The following PPP1R9A variants were observed in gnomAD, a reference collection of about 807,000 sequenced individuals.
The protein encoded by PPP1R9A is neurabin-1.
Under a neutral mutation model 141.9 loss-of-function variants are expected in PPP1R9A, and 59 were observed. The ratio of observed to expected loss-of-function variants is 0.42; its 90% CI spans 0.34 to 0.52. The LOEUF is 0.52. Ranked by LOEUF, PPP1R9A falls within the 20% of genes least tolerant of loss-of-function variation. PPP1R9A has a pLI of 0.10. For missense variants in PPP1R9A, 1,444 were observed against 1,611.9 expected (o/e 0.90, Z 1.78); for synonymous variants, 500 against 569.7 (o/e 0.88, Z 1.74).
chr7:94,992,290 A>G (rs1801610392), intron 2 of PPP1R9A, among the ~76,000 whole-genome samples: 1 of 152,202 alleles, frequency 6.6e-6, no homozygotes, highest in Non-Finnish European at 1.5e-5. Flanking sequence ...ATAATTGTCC[A>G]TGTTGTGCAA....
At chr7:95,196,089 G>GTGTGTGTA (rs1314157648) in intron 5 of PPP1R9A, among the ~76,000 whole-genome samples, 8 of 151,896 alleles carry the variant, frequency 5.3e-5, no homozygotes, top group African/African-American at 1.9e-4. Flanking sequence ...GTGTGTGTGT[G>GTGTGTGTA]TGTATGTGTA....
chr7:95,076,092 C>T (rs900114003), intron 2 of PPP1R9A, among the ~76,000 whole-genome samples: 4 of 152,136 alleles, frequency 2.6e-5, no homozygotes, highest in South Asian at 2.1e-4. Flanking sequence ...TCATACAGAT[C>T]GGGTCTCACT....
intron 2 of PPP1R9A, among the ~76,000 whole-genome samples, chr7:94,920,909 C>T (rs1256992257): frequency 6.6e-6 from 1 of 152,142 alleles, no homozygotes; most frequent in African/African-American, 2.4e-5. Flanking sequence ...ATGGTCTTTT[C>T]TCTTTTATTC....
At chr7:95,077,594 G>A (rs1192584340) in intron 2 of PPP1R9A, among the ~76,000 whole-genome samples, 1 of 151,892 alleles carries the variant, frequency 6.6e-6, no homozygotes, top group African/African-American at 2.4e-5. Flanking sequence ...ATTGTTAGCT[G>A]CCCCCCCAAT....
At chr7:95,191,987 G>A (rs1186343402) in intron 5 of PPP1R9A, among the ~76,000 whole-genome samples, 1 of 151,990 alleles carries the variant, frequency 6.6e-6, no homozygotes, top group Non-Finnish European at 1.5e-5. Flanking sequence ...ATTTAGGACT[G>A]ATTATTGCTG....
chr7:95,227,713 CT>C, intron 8 of PPP1R9A, among the ~76,000 whole-genome samples: 1 of 151,832 alleles, frequency 6.6e-6, no homozygotes, highest in South Asian at 2.1e-4. Context: ...CTGGTGTAGA[CT>C]GCTGTGTGAT....
chr7:95,147,783 T>C (rs985519623), intron 4 of PPP1R9A, among the ~76,000 whole-genome samples: 2 of 152,204 alleles, frequency 1.3e-5, no homozygotes, highest in Non-Finnish European at 2.9e-5. Context: ...GTTCTACTTA[T>C]GTGATGGATT....
intron 2 of PPP1R9A, among the ~76,000 whole-genome samples, chr7:94,919,993 G>A (rs1413032339): frequency 6.6e-6 from 1 of 151,952 alleles, no homozygotes; most frequent in African/African-American, 2.4e-5. Context: ...AAACATATTT[G>A]TACTATACCA....
intron 2 of PPP1R9A, among the ~76,000 whole-genome samples, chr7:94,934,315 C>T (rs182423378): frequency 2.4e-4 from 37 of 152,284 alleles, no homozygotes; most frequent in Admixed American, 3.9e-4. Context: ...CAACAGCACA[C>T]CTGTAACAAT....
chr7:95,064,226 C>T (rs1454325658), intron 2 of PPP1R9A, among the ~76,000 whole-genome samples: 1 of 152,128 alleles, frequency 6.6e-6, no homozygotes, highest in Non-Finnish European at 1.5e-5. Context: ...CATTATATAA[C>T]CATGTTTCAC....
At chr7:95,284,539 G>A (rs1191991925) in intron 17 of PPP1R9A, among the ~76,000 whole-genome samples, 1 of 152,158 alleles carries the variant, frequency 6.6e-6, no homozygotes, top group Non-Finnish European at 1.5e-5. Flanking sequence ...CAGAATGATA[G>A]ATCTGTTTAC....
At chr7:95,201,672 A>G (rs2152870831) in intron 6 of PPP1R9A, among the ~76,000 whole-genome samples, 1 of 152,362 alleles carries the variant, frequency 6.6e-6, no homozygotes, top group East Asian at 1.9e-4. Flanking sequence ...TAGCTAATGG[A>G]TAAATGCTCC....
intron 12 of PPP1R9A, among the ~76,000 whole-genome samples, chr7:95,260,449 C>T (rs924651422): frequency 6.6e-6 from 1 of 152,064 alleles, no homozygotes; most frequent in Non-Finnish European, 1.5e-5. Context: ...GAGGCCAAGG[C>T]GGGTGGATCA....
intron 4 of PPP1R9A, among the ~76,000 whole-genome samples, chr7:95,154,348 T>G (rs1829233575): frequency 1.3e-5 from 2 of 152,082 alleles, no homozygotes; most frequent in Non-Finnish European, 2.9e-5. Flanking sequence ...TTGTTACTGG[T>G]TTTTAGTTAT....
intron 4 of PPP1R9A, among the ~76,000 whole-genome samples, chr7:95,159,254 T>A (rs1163913624): frequency 1.3e-5 from 2 of 152,194 alleles, no homozygotes; most frequent in African/African-American, 2.4e-5. Flanking sequence ...TGGTTAAATC[T>A]CAAATGTAAT....
At chr7:94,913,693 A>T (rs906422708) in intron 2 of PPP1R9A, among the ~76,000 whole-genome samples, 13 of 152,186 alleles carry the variant, frequency 8.5e-5, no homozygotes, top group African/African-American at 2.9e-4. Context: ...TGGTGGCCAT[A>T]GTGTTTAGGT....
intron 14 of PPP1R9A, among the ~76,000 whole-genome samples, chr7:95,273,263 C>T (rs1314382656): frequency 6.6e-6 from 1 of 152,180 alleles, no homozygotes; most frequent in African/African-American, 2.4e-5. Context: ...TGTAACCTAA[C>T]TATTAAGAAG....
intron 2 of PPP1R9A, among the ~76,000 whole-genome samples, chr7:95,006,164 A>G (rs2151568060): frequency 6.6e-6 from 1 of 151,920 alleles, no homozygotes; most frequent in South Asian, 2.1e-4. Context: ...ACCTTTCATA[A>G]GGATTAAAAT....
At chr7:94,987,002 G>A (rs910324600) in intron 2 of PPP1R9A, among the ~76,000 whole-genome samples, 1 of 152,122 alleles carries the variant, frequency 6.6e-6, no homozygotes, top group Non-Finnish European at 1.5e-5. Flanking sequence ...GGTATGGATT[G>A]GGCCACTTTT....
Sources: gnomAD v4.1 joint callset for allele counts (sites outside exome capture counted in the v4.1 genomes callset) on GRCh38, gnomAD v4.1.1 for gene constraint, MANE v1.5 for transcripts, NCBI Gene and HGNC (gene_info 2026-07-23, HGNC 2026-07-21) for gene names.